PLA1A: variants seen among roughly 807,000 people sequenced by gnomAD.
The protein encoded by PLA1A is phosphatidylserine-specific phospholipase A1alpha.
A neutral mutation model predicts 49.4 loss-of-function variants in PLA1A; 47 were observed. That is an observed-to-expected ratio of 0.95 (90% CI 0.75 to 1.21). The LOEUF (loss-of-function observed/expected upper bound fraction) is 1.21, where lower values mean the gene tolerates loss of function less well. Among genes scored for constraint, PLA1A ranks in the 50% most tolerant of loss-of-function variants. The pLI is 0.00. For missense variants in PLA1A, 561 were observed against 563.9 expected, an observed-to-expected ratio of 0.99 and a Z score of 0.05; for synonymous variants, 224 against 207.9, an observed-to-expected ratio of 1.08 and a Z score of -0.67.
intron 1 of PLA1A, 112 bp from the exon 2 acceptor site, chr3:119,606,662 C>A: frequency 1.4e-6 from 1 of 701,182 alleles, no homozygotes; most frequent in Non-Finnish European, 2.4e-6. Flanking sequence ...GTATAATAAA[C>A]CCCATGCCTG....
At chr3:119,607,245 A>G in intron 2 of PLA1A, 1 of 455,050 alleles carries the variant, frequency 2.2e-6, no homozygotes, top group Non-Finnish European at 4.0e-6. Flanking sequence ...CTCCGTACAC[A>G]GAACCTTTAT....
chr3:119,620,342 G>A (rs75451405), intron 8 of PLA1A: 11,844 of 323,324 alleles, frequency 0.037, 292 homozygotes, highest in Non-Finnish European at 0.052. Context: ...TAAACAACAT[G>A]CCACCCAATT....
intron 1 of PLA1A, among the ~76,000 whole-genome samples, chr3:119,603,809 G>T (rs962512009): frequency 1.3e-5 from 2 of 152,210 alleles, no homozygotes; most frequent in Admixed American, 1.3e-4. Flanking sequence ...GAAAATATTT[G>T]ATTGATTAAA....
intron 7 of PLA1A, 57 bp from the exon 8 acceptor site, chr3:119,619,506 G>A: frequency 8.5e-7 from 1 of 1,175,646 alleles, no homozygotes; most frequent in Non-Finnish European, 1.3e-6. Context: ...GCTGGGTGCT[G>A]TGGGACCCTA....
chr3:119,612,767 C>T (rs2082786472), intron 4 of PLA1A, among the ~76,000 whole-genome samples: 1 of 152,122 alleles, frequency 6.6e-6, no homozygotes, highest in Non-Finnish European at 1.5e-5. Flanking sequence ...GGATTACAGG[C>T]GTGAGTCACC....
rs541961302 is a variant in PLA1A, at chr3:119,606,761, T to C, written c.74-13T>C. 3 of 1,610,958 alleles carry C rather than the reference T, an allele frequency of 1.9e-6. No homozygotes were observed. The South Asian group carries it at 3.3e-5, about 18-fold the overall frequency. On this transcript the variant is annotated splice_polypyrimidine_tract_variant and intron_variant, in intron 1 of 10. Coordinates refer to ENST00000273371, the MANE Select transcript of PLA1A (RefSeq NM_015900.4). ...ACCTTGGATGTTGCTTGTTTTGTTTTGTTTTCCTCCAGGGGATGCACCTCC... is the reference window on the plus strand; with the variant it reads ...ACCTTGGATGTTGCTTGTTTTGTTTCGTTTTCCTCCAGGGGATGCACCTCC...
At position 119,600,473 on chromosome 3, in the gene PLA1A, G is replaced by T. The variant is rs1295088150; in HGVS notation, c.73+2487G>T. ...GGTCACAGATCTTACATCCCTATTT[G>T]CTGTGGGGCCTGCTTATTTTCCCTT... On this transcript the variant is annotated intron_variant, in intron 1 of 10. Transcript: ENST00000273371. The T allele has an allele frequency of 5.7e-6, 4 of 696,960 alleles. No homozygotes were observed. In the East Asian group the frequency reaches 1.1e-4, roughly 19 times the overall value. The allele number at this position is 696,960 out of a possible 1,614,324, so 43.2% of individuals were successfully genotyped here. A position where few individuals can be genotyped will look rare whatever the true frequency, so the allele number is the denominator to read the frequency against.
At chr3:119,626,926 T>A (rs2052545815) in intron 9 of PLA1A, among the ~76,000 whole-genome samples, 1 of 152,156 alleles carries the variant, frequency 6.6e-6, no homozygotes, top group South Asian at 2.1e-4. Flanking sequence ...AGAAGGGTGT[T>A]TTCATCATCT....
At chr3:119,607,046 A>G (rs2082699028) in intron 2 of PLA1A, 71 bp downstream of exon 2, 1 of 1,251,212 alleles carries the variant, frequency 8.0e-7, no homozygotes, top group Non-Finnish European at 1.2e-6. Flanking sequence ...ATAAGAAGTT[A>G]GTGGGCAACA....
intron 8 of PLA1A, among the ~76,000 whole-genome samples, chr3:119,621,056 CG>C (rs1274077749): frequency 6.6e-6 from 1 of 152,180 alleles, no homozygotes; most frequent in Non-Finnish European, 1.5e-5. Flanking sequence ...AGTTGGCATG[CG>C]GGAGGATGTT....
chr3:119,606,617 G>A (rs747646408), intron 1 of PLA1A, among the ~76,000 whole-genome samples, 157 bp from the exon 2 acceptor site: 8 of 152,130 alleles, frequency 5.3e-5, no homozygotes, highest in Non-Finnish European at 8.8e-5. Context: ...AGTGATGAAG[G>A]CTGTAATAAA....
chr3:119,621,935 T>A (rs116138189), intron 8 of PLA1A, among the ~76,000 whole-genome samples: 2,020 of 152,200 alleles, frequency 0.013, 22 homozygotes, highest in Middle Eastern at 0.048. Flanking sequence ...AAGAAAGAAG[T>A]AGGCCAGGTG....
intron 8 of PLA1A, among the ~76,000 whole-genome samples, chr3:119,623,301 C>T (rs1392553493): frequency 1.3e-5 from 2 of 152,078 alleles, no homozygotes; most frequent in East Asian, 3.9e-4. Context: ...ACCACATGCC[C>T]AACTAATTTT....
intron 1 of PLA1A, among the ~76,000 whole-genome samples, chr3:119,603,640 TTAAAAGG>T (rs1348816798): frequency 1.3e-5 from 2 of 152,218 alleles, no homozygotes; most frequent in Non-Finnish European, 2.9e-5. Context: ...TTTTTCCCTA[TTAAAAGG>T]TAAACTTAGG....
chr3:119,616,788 C>T (rs997572838), intron 6 of PLA1A, among the ~76,000 whole-genome samples: 6 of 152,244 alleles, frequency 3.9e-5, no homozygotes, highest in South Asian at 2.1e-4. Context: ...TGCTTCTTTT[C>T]GCAATTTGCG....
At position 119,613,064 on chromosome 3, in the gene PLA1A, C is replaced by G; in HGVS notation, c.610C>G (p.Arg204Gly). 6.2e-7 allele frequency: 1 copy of G among 1,608,754 alleles called. No individual in the cohort carries two copies. Among genetic ancestry groups the G allele is most frequent in the Non-Finnish European group, 8.5e-7 (1 of 1,177,388 alleles). Reference protein sequence around the residue: ...PEYTRASVEERLDAGDALFVE... With the variant: ...PEYTRASVEEGLDAGDALFVE... ...GTACACCAGGGCCAGTGTGGAAGAGCGCTTGGATGCTGGAGATGCCCTCTT... is the reference window on the plus strand; with the variant it reads ...GTACACCAGGGCCAGTGTGGAAGAGGGCTTGGATGCTGGAGATGCCCTCTT... Residue 204 changes from arginine (R) to glycine (G), a missense_variant, in exon 5 of 11, where the codon CGC becomes GGC. Arg to Gly is a moderately radical substitution (Grantham distance 125, BLOSUM62 -2). Transcript: ENST00000273371.
intron 5 of PLA1A, among the ~76,000 whole-genome samples, chr3:119,615,047 G>C (rs1316601510): frequency 6.6e-6 from 1 of 152,214 alleles, no homozygotes; most frequent in African/African-American, 2.4e-5. Flanking sequence ...GCTGCATGTG[G>C]GGTATGAGGG....
intron 10 of PLA1A, 123 bp from the exon 11 acceptor site, chr3:119,629,261 T>G: frequency 1.4e-6 from 1 of 715,704 alleles, no homozygotes; most frequent in Non-Finnish European, 2.6e-6. Flanking sequence ...CCACAGGAAC[T>G]GGCTCTTAAT....
At chr3:119,607,548 A>C (rs936690644) in intron 2 of PLA1A, among the ~76,000 whole-genome samples, 1 of 152,214 alleles carries the variant, frequency 6.6e-6, no homozygotes, top group African/African-American at 2.4e-5. Context: ...GAATATGGTA[A>C]AGTAATAGCA....
Sources: gnomAD v4.1 joint callset for allele counts (sites outside exome capture counted in the v4.1 genomes callset) on GRCh38, gnomAD v4.1.1 for gene constraint, MANE v1.5 for transcripts, NCBI Gene and HGNC (gene_info 2026-07-23, HGNC 2026-07-21) for gene names.